The following BLTP1 variants were observed in gnomAD, a reference collection of about 807,000 sequenced individuals.
BLTP1 encodes fragile site-associated protein.
At chr4:122,311,992 G>A in the BLTP1 span, among the ~76,000 whole-genome samples, 8 of 152,050 alleles carry the variant, frequency 5.3e-5, no homozygotes, top group Non-Finnish European at 8.8e-5. Context: ...AATTCATCGT[G>A]GCTCTATATT....
At chr4:122,305,811 A>G in the BLTP1 span, 1 of 1,422,296 alleles carries the variant, frequency 7.0e-7, no homozygotes, top group Non-Finnish European at 9.3e-7. Flanking sequence ...ACCATTAATA[A>G]TGTTTAGTTT....
chr4:122,186,188 A>T, the BLTP1 span: 2 of 1,612,330 alleles, frequency 1.2e-6, no homozygotes, highest in African/African-American at 2.7e-5. Context: ...AACACGGGAA[A>T]TTGGAAGAAC....
chr4:122,263,135 GT>G, the BLTP1 span: 1 of 1,404,532 alleles, frequency 7.1e-7, no homozygotes, highest in Non-Finnish European at 9.3e-7. Flanking sequence ...CCATTGTTCT[GT>G]TTGTAACTTT....
chr4:122,307,052 G>A, the BLTP1 span, among the ~76,000 whole-genome samples: 1 of 148,730 alleles, frequency 6.7e-6, no homozygotes, highest in Admixed American at 6.9e-5. Context: ...AAAACAGGTT[G>A]AGTACTGGTT....
At chr4:122,249,597 T>A in the BLTP1 span, 1 of 1,613,762 alleles carries the variant, frequency 6.2e-7, no homozygotes. Flanking sequence ...AGCAAGCTGT[T>A]CCAGATGTAA....
At chr4:122,237,069 A>G in the BLTP1 span, 4 of 984,484 alleles carry the variant, frequency 4.1e-6, no homozygotes, top group Non-Finnish European at 4.8e-6. Context: ...TCATTGCTCT[A>G]TTTTACATTT....
At chr4:122,244,992 T>C in the BLTP1 span, 1 of 1,601,986 alleles carries the variant, frequency 6.2e-7, no homozygotes. Flanking sequence ...GACATTTAAA[T>C]ATTTCATTTA....
chr4:122,186,730 T>G, the BLTP1 span, among the ~76,000 whole-genome samples: 1 of 152,056 alleles, frequency 6.6e-6, no homozygotes, highest in African/African-American at 2.4e-5. Flanking sequence ...AAAATTATTC[T>G]GGAACAGGAT....
At chr4:122,275,616 A>G in the BLTP1 span, among the ~76,000 whole-genome samples, 1 of 152,118 alleles carries the variant, frequency 6.6e-6, no homozygotes, top group Non-Finnish European at 1.5e-5. Flanking sequence ...ATAGTCTTTA[A>G]CCTTGCAAAA....
At chr4:122,284,593 C>CTTACATATGTATGTA in the BLTP1 span, among the ~76,000 whole-genome samples, 1 of 151,986 alleles carries the variant, frequency 6.6e-6, no homozygotes, top group Non-Finnish European at 1.5e-5. Context: ...TATGTGTATA[C>CTTACATATGTATGTA]AGTAGTCCCT....
At chr4:122,201,652 TAAG>T in the BLTP1 span, among the ~76,000 whole-genome samples, 7 of 152,218 alleles carry the variant, frequency 4.6e-5, no homozygotes, top group South Asian at 1.4e-3. Flanking sequence ...TTTGTGACTA[TAAG>T]AACACATATT....
At chr4:122,309,157 A>G in the BLTP1 span, 56 of 1,429,080 alleles carry the variant, frequency 3.9e-5, no homozygotes, top group Non-Finnish European at 5.0e-5. Context: ...TAATGAACAT[A>G]TCTAGGCTTG....
chr4:122,251,552 T>G, the BLTP1 span: 1 of 983,724 alleles, frequency 1.0e-6, no homozygotes, highest in Non-Finnish European at 1.2e-6. Flanking sequence ...TTAAGGAAAT[T>G]TAAAAATACA....
chr4:122,152,427 C>T, the BLTP1 span: 6 of 985,380 alleles, frequency 6.1e-6, no homozygotes, highest in Non-Finnish European at 7.2e-6. Flanking sequence ...GGCGGCGGCC[C>T]CGGGCGGCGG....
the BLTP1 span, chr4:122,264,123 T>C: frequency 1.6e-6 from 2 of 1,249,894 alleles, no homozygotes; most frequent in South Asian, 6.6e-5. Flanking sequence ...TTATTTTTTT[T>C]CTTTTCAATT....
chr4:122,256,421 A>G, the BLTP1 span, among the ~76,000 whole-genome samples: 10 of 152,206 alleles, frequency 6.6e-5, no homozygotes, highest in Non-Finnish European at 1.5e-4. Flanking sequence ...TGTGTTTTCC[A>G]TGTAAGAGGA....
the BLTP1 span, among the ~76,000 whole-genome samples, chr4:122,245,296 A>C: frequency 1.8e-4 from 28 of 152,330 alleles, no homozygotes; most frequent in African/African-American, 6.5e-4. Flanking sequence ...AAGATAGGAC[A>C]TATAACTGTA....
At chr4:122,274,890 A>G in the BLTP1 span, among the ~76,000 whole-genome samples, 2 of 152,248 alleles carry the variant, frequency 1.3e-5, no homozygotes, top group South Asian at 2.1e-4. Flanking sequence ...AAAAATCTGA[A>G]TAATGTGATA....
the BLTP1 span, chr4:122,350,348 A>G: frequency 1.0e-6 from 1 of 984,988 alleles, no homozygotes; most frequent in Non-Finnish European, 1.2e-6. Flanking sequence ...TGAGAATATC[A>G]TGTTCTGGTT....
Sources: allele counts gnomAD v4.1 joint callset (sites outside exome capture counted in the v4.1 genomes callset), GRCh38; gene constraint gnomAD v4.1.1; transcripts MANE v1.5; gene names NCBI Gene and HGNC (gene_info 2026-07-23, HGNC 2026-07-21).